The following KIF13B variants were observed in gnomAD, a reference collection of about 807,000 sequenced individuals.
KIF13B encodes kinesin family member 13B, also known as kinesin-like protein KIF13B.
A neutral mutation model predicts 222.0 loss-of-function variants in KIF13B; 127 were observed. That is an observed-to-expected ratio of 0.57 (90% confidence interval 0.50 to 0.66). The LOEUF is 0.66. Among genes scored for constraint, KIF13B ranks in the 30% least tolerant of loss-of-function variants. The pLI, the probability that KIF13B is intolerant of heterozygous loss-of-function variation, is 0.00. For synonymous variants in KIF13B, 976 were observed against 919.0 expected (o/e 1.06, Z -1.12); for missense variants, 2,173 against 2,379.0 (o/e 0.91, Z 1.80).
intron 2 of KIF13B, among the ~76,000 whole-genome samples, chr8:29,199,632 T>C (rs1039454392): frequency 6.6e-6 from 1 of 150,902 alleles, no homozygotes; most frequent in Admixed American, 6.6e-5. Context: ...CCCAAGCATT[T>C]TGGATAAGGA....
rs1324719371 is a variant in KIF13B, at chr8:29,123,244, AAAC to A, written c.3479+119_3479+121del. On this transcript the variant is annotated intron_variant, in intron 28 of 39. Transcript: ENST00000524189. ...AATAATTTAACAGTTCCTTTAATTT[AAAC>A]AACATTTCCCCCCATGCTATTGACT... 2.3e-4 allele frequency: 250 copies of A among 1,106,438 alleles called. 2 individuals carry two copies. Among genetic ancestry groups the A allele is most frequent in the East Asian group, 7.6e-4 (30 of 39,410 alleles). 68.5% of individuals were successfully genotyped at this position (1,106,438 alleles called of 1,614,324 possible). A position where few individuals can be genotyped will look rare whatever the true frequency, so the allele number is the denominator to read the frequency against.
At position 29,181,976 on chromosome 8, in the gene KIF13B, A is replaced by G; in HGVS notation, c.528T>C (p.His176=). The G allele has an allele frequency of 6.2e-7, 1 of 1,613,582 alleles. No homozygotes were observed. Among genetic ancestry groups the G allele is most frequent in the East Asian group, 2.2e-5 (1 of 44,862 alleles). Residue 176 remains histidine (H), a synonymous_variant, in exon 7 of 40, where the codon CAT becomes CAC. Transcript: ENST00000524189. ...CGTCGACATAAGGTCCCAACACACT[A>G]TGCTCTCTGACTTTCAACGTCTGAC... ...GSRQTLKVRE[H]SVLGPYVDGL...
chr8:29,096,613 T>C (rs1283779645), intron 36 of KIF13B, among the ~76,000 whole-genome samples: 1 of 152,000 alleles, frequency 6.6e-6, no homozygotes, highest in Admixed American at 6.6e-5. Flanking sequence ...GCAAAAAGAA[T>C]AACGTCATAA....
intron 21 of KIF13B, 66 bp from the exon 22 acceptor site, chr8:29,134,276 G>T (rs992784721): frequency 2.7e-6 from 4 of 1,505,566 alleles, no homozygotes; most frequent in South Asian, 2.4e-5. Context: ...AGAGTTGCAG[G>T]TTCCAGCCCC....
intron 12 of KIF13B, among the ~76,000 whole-genome samples, chr8:29,161,228 G>A (rs2130115501): frequency 6.6e-6 from 1 of 152,266 alleles, no homozygotes; most frequent in Admixed American, 6.5e-5. Context: ...AAGCAAAGGA[G>A]GATCAATAAA....
At chr8:29,142,607 A>T (rs1274373297) in intron 18 of KIF13B, among the ~76,000 whole-genome samples, 1 of 152,156 alleles carries the variant, frequency 6.6e-6, no homozygotes, top group Non-Finnish European at 1.5e-5. Flanking sequence ...TGGGAGGCCA[A>T]GGCAGGTGGA....
At chr8:29,245,274 C>T in intron 2 of KIF13B, 72 bp downstream of exon 2, 1 of 1,040,880 alleles carries the variant, frequency 9.6e-7, no homozygotes, top group East Asian at 2.6e-5. Context: ...TTCAATGCAA[C>T]TTAATTCAGC....
rs577799282 is a variant in KIF13B, at chr8:29,126,406, T to C, written c.3252+76A>G. 1.8e-5 allele frequency: 17 copies of C among 954,782 alleles called. No individual in the cohort carries two copies. The South Asian group carries it at 2.5e-4, about 14-fold the overall frequency. 59.1% of individuals were successfully genotyped at this position (954,782 alleles called of 1,614,324 possible). ...ATTGTTTAATCCTTAAATAACAGTA[T>C]AGCCAGATCCAGGAATGTGTAATTA... On this transcript the variant is annotated intron_variant, in intron 26 of 39. Transcript: ENST00000524189.
intron 23 of KIF13B, 41 bp from the exon 24 acceptor site, chr8:29,130,706 AT>A: frequency 6.2e-7 from 1 of 1,603,694 alleles, no homozygotes; most frequent in Non-Finnish European, 8.5e-7. Flanking sequence ...ATACATTTCT[AT>A]TTCATTACAG....
At chr8:29,200,989 G>GT (rs1158221770) in intron 2 of KIF13B, among the ~76,000 whole-genome samples, 20 of 152,166 alleles carry the variant, frequency 1.3e-4, no homozygotes, top group African/African-American at 4.6e-4. Flanking sequence ...GATCTATGAG[G>GT]TTTCCCACAG....
intron 21 of KIF13B, among the ~76,000 whole-genome samples, chr8:29,135,900 A>G (rs957561412): frequency 6.6e-6 from 1 of 152,174 alleles, no homozygotes; most frequent in Admixed American, 6.5e-5. Context: ...CAAAAAACAA[A>G]CAAGCAAACA....
Position 29,103,344 on chromosome 8 carries a change from C to T in KIF13B, c.4216-4103G>A, listed in dbSNP as rs532187675. Among the ~76,000 whole-genome samples the T allele has an allele frequency of 2.0e-5, 3 of 152,182 alleles. No homozygotes were observed. The South Asian group carries it at 6.2e-4, about 32-fold the overall frequency. Reference sequence around the variant, plus strand: ...AAAAGACCTCAATGCACAGCTGACTCCAGGGTGGAAAGACCAACGACACGC... The same window carrying T: ...AAAAGACCTCAATGCACAGCTGACTTCAGGGTGGAAAGACCAACGACACGC... On this transcript the variant is annotated intron_variant, in intron 35 of 39. Transcript: ENST00000524189.
chr8:29,247,122 T>C (rs1038511045), intron 1 of KIF13B, among the ~76,000 whole-genome samples: 2 of 152,138 alleles, frequency 1.3e-5, no homozygotes, highest in Admixed American at 6.5e-5. Context: ...TGGTGGCTCA[T>C]GCCCGTAATC....
intron 22 of KIF13B, 88 bp downstream of exon 22, chr8:29,133,952 A>T: frequency 7.8e-7 from 1 of 1,273,950 alleles, no homozygotes; most frequent in South Asian, 1.5e-5. Context: ...ATATAACGGC[A>T]CATTTAGTCA....
rs1807324037 is a variant in KIF13B, at chr8:29,072,166, G to A, written c.4672C>T (p.Pro1558Ser). Reference sequence around the variant, plus strand: ...CTAGAGGCTTCACTCAGGGGGCTGGGGGGCCCGTCCTGTGCCTCCGGAGCC... The same window carrying A: ...CTAGAGGCTTCACTCAGGGGGCTGGAGGGCCCGTCCTGTGCCTCCGGAGCC... ...TPAPEAQDGP[P>S]SPLSEASSGY... Residue 1558 changes from proline to serine, a missense_variant, in exon 39 of 40, where the codon CCC becomes TCC. Pro to Ser is a moderately conservative substitution (Grantham distance 74). Transcript: ENST00000524189. 2.1e-6 allele frequency: 3 copies of A among 1,425,722 alleles called. No individual in the cohort carries two copies. Among genetic ancestry groups the A allele is most frequent in the Non-Finnish European group, 2.8e-6 (3 of 1,089,574 alleles). The allele number at this position is 1,425,722 out of a possible 1,614,324, so 88.3% of individuals were successfully genotyped here.
At chr8:29,193,933 T>C (rs1392343894) in intron 3 of KIF13B, among the ~76,000 whole-genome samples, 4 of 151,598 alleles carry the variant, frequency 2.6e-5, no homozygotes, top group Non-Finnish European at 4.4e-5. Flanking sequence ...TTCTCCTGCC[T>C]CAGCCTCCTG....
chr8:29,094,272 C>T (rs558547898), intron 36 of KIF13B, among the ~76,000 whole-genome samples: 21 of 152,216 alleles, frequency 1.4e-4, no homozygotes, highest in South Asian at 4.1e-4. Flanking sequence ...AACAGTCTCA[C>T]GGGAACACAA....
chr8:29,151,400 A>G (rs1170525881), intron 14 of KIF13B, among the ~76,000 whole-genome samples: 2 of 152,246 alleles, frequency 1.3e-5, no homozygotes, highest in Admixed American at 6.5e-5. Flanking sequence ...TAGATGAAAC[A>G]GACTTCTACT....
At chr8:29,221,710 C>G (rs1281472492) in intron 2 of KIF13B, among the ~76,000 whole-genome samples, 1 of 152,126 alleles carries the variant, frequency 6.6e-6, no homozygotes. Context: ...AGCCTTGTAA[C>G]TGCTCACACA....
Sources: allele counts gnomAD v4.1 joint callset (sites outside exome capture counted in the v4.1 genomes callset), GRCh38; gene constraint gnomAD v4.1.1; transcripts MANE v1.5; gene names NCBI Gene and HGNC (gene_info 2026-07-23, HGNC 2026-07-21).